Variants in ZNF521 observed in about 807,000 individuals in gnomAD.
ZNF521 encodes LYST-interacting protein 3.
ZNF521 carries 14 observed loss-of-function variants against 105.5 expected under a neutral mutation model. That is an observed-to-expected ratio of 0.13 (90% CI 0.09 to 0.21). ZNF521 has a LOEUF of 0.21. Ranked by LOEUF, ZNF521 falls within the 10% of genes least tolerant of loss-of-function variation. ZNF521 has a pLI of 1.00. For synonymous variants in ZNF521, 635 were observed against 606.0 expected, an observed-to-expected ratio of 1.05 and a Z score of -0.70; for missense variants, 1,233 against 1,629.7, an observed-to-expected ratio of 0.76 and a Z score of 4.19.
chr18:25,273,220 CAAAAAAAAAAAAAAAAAAA>C lies in ZNF521; in HGVS notation c.221-45542_221-45524del, dbSNP rs67381140. Among the ~76,000 whole-genome samples the C allele has an allele frequency of 8.8e-3, 360 of 40,900 alleles. 4 individuals are homozygous for C. Among genetic ancestry groups the C allele is most frequent in the Non-Finnish European group, 0.013 (292 of 23,204 alleles). 26.8% of individuals were successfully genotyped at this position (40,900 alleles called of 152,430 possible). A position where few individuals can be genotyped will look rare whatever the true frequency, so the allele number is the denominator to read the frequency against. ...CCCAAGAGGAGTGAAACCCTGTCTCCAAAAAAAAAAAAAAAAAAAAAAAAAAAAAAAGACATTTTAAATA... is the reference window on the plus strand; with the variant it reads ...CCCAAGAGGAGTGAAACCCTGTCTCCAAAAAAAAAAAAGACATTTTAAATA... On this transcript the variant is annotated intron_variant, in intron 3 of 7. Transcript: ENST00000361524.
chr18:25,327,050 A>G (rs1453814346), intron 2 of ZNF521, among the ~76,000 whole-genome samples: 3 of 152,210 alleles, frequency 2.0e-5, no homozygotes, highest in Admixed American at 6.5e-5. Context: ...TGTGATGACC[A>G]TGACCTCCAG....
intron 5 of ZNF521, among the ~76,000 whole-genome samples, chr18:25,186,580 T>C (rs1655582411): frequency 6.6e-6 from 1 of 152,176 alleles, no homozygotes; most frequent in Non-Finnish European, 1.5e-5. Flanking sequence ...CAAAGTCTGA[T>C]GAAATGAAGG....
intron 4 of ZNF521, among the ~76,000 whole-genome samples, chr18:25,200,272 C>A (rs922022396): frequency 3.9e-5 from 6 of 152,138 alleles, no homozygotes; most frequent in Admixed American, 6.6e-5. Flanking sequence ...AAGGAACTGT[C>A]GGTAGCCACG....
intron 5 of ZNF521, among the ~76,000 whole-genome samples, chr18:25,156,623 T>G (rs531455884): frequency 6.6e-6 from 1 of 152,348 alleles, no homozygotes; most frequent in South Asian, 2.1e-4. Context: ...TTTCTTCATC[T>G]GATGACTGTT....
chr18:25,118,818 TAATTAAAAGA>T (rs2034379044), intron 5 of ZNF521, among the ~76,000 whole-genome samples: 1 of 151,980 alleles, frequency 6.6e-6, no homozygotes. Flanking sequence ...TACTGAACAC[TAATTAAAAGA>T]AAGATTGTCA....
intron 4 of ZNF521, among the ~76,000 whole-genome samples, chr18:25,200,717 T>C (rs192493503): frequency 6.6e-6 from 1 of 152,240 alleles, no homozygotes; most frequent in East Asian, 1.9e-4. Context: ...AAAACACTGA[T>C]TCTCTCTTCA....
chr18:25,319,769 A>G (rs1912838170), intron 3 of ZNF521, among the ~76,000 whole-genome samples: 1 of 152,196 alleles, frequency 6.6e-6, no homozygotes, highest in Non-Finnish European at 1.5e-5. Flanking sequence ...ATCGTTAACA[A>G]CATCAACATG....
At chr18:25,166,586 A>G (rs2035345872) in intron 5 of ZNF521, among the ~76,000 whole-genome samples, 1 of 152,190 alleles carries the variant, frequency 6.6e-6, no homozygotes, top group Non-Finnish European at 1.5e-5. Flanking sequence ...TATATTGTAC[A>G]CTGTCAATCT....
rs201662021 is a variant in ZNF521, at chr18:25,116,984, T to C, written c.3659-24903A>G. ...ATATGTATATATATGTATATATATA[T>C]ACACACACACATATATATACATACA... is the stretch of plus-strand genomic sequence containing the variant. On this transcript the variant is annotated intron_variant, in intron 5 of 7. Transcript: ENST00000361524. Among the ~76,000 whole-genome samples the C allele has an allele frequency of 4.0e-4, 46 of 116,164 alleles. 2 individuals carry two copies. Among genetic ancestry groups the C allele is most frequent in the East Asian group, 9.8e-4 (4 of 4,084 alleles). 76.2% of individuals were successfully genotyped at this position (116,164 alleles called of 152,430 possible).
intron 4 of ZNF521, among the ~76,000 whole-genome samples, chr18:25,220,276 T>A (rs748255937): frequency 5.3e-5 from 8 of 152,210 alleles, no homozygotes; most frequent in African/African-American, 9.6e-5. Context: ...CTAAGTACAA[T>A]GCATTGGTCA....
intron 7 of ZNF521, among the ~76,000 whole-genome samples, chr18:25,069,971 T>G (rs1247658523): frequency 6.6e-6 from 1 of 152,214 alleles, no homozygotes; most frequent in African/African-American, 2.4e-5. Context: ...CACCATGAAC[T>G]TACAGAAACA....
intron 5 of ZNF521, among the ~76,000 whole-genome samples, chr18:25,141,087 A>G (rs1328713086): frequency 6.6e-6 from 1 of 152,206 alleles, no homozygotes; most frequent in Non-Finnish European, 1.5e-5. Context: ...TCGAAAGAAA[A>G]GAAAACTGAA....
At chr18:25,176,788 G>A (rs1033011079) in intron 5 of ZNF521, among the ~76,000 whole-genome samples, 1 of 152,226 alleles carries the variant, frequency 6.6e-6, no homozygotes, top group African/African-American at 2.4e-5. Flanking sequence ...TTTCCTTACA[G>A]AATAAATGAC....
chr18:25,136,996 A>G (rs372345794), intron 5 of ZNF521, among the ~76,000 whole-genome samples: 1 of 152,140 alleles, frequency 6.6e-6, no homozygotes, highest in African/African-American at 2.4e-5. Flanking sequence ...CTGACCTCCC[A>G]AAAGGATCCT....
rs910966903 is a variant in ZNF521 at position 25,225,546 on chromosome 18, G to A, written c.2372C>T (p.Ser791Phe). Residue 791 changes from serine to phenylalanine, a missense_variant, in exon 4 of 8, where the codon TCC becomes TTC. Ser to Phe is a radical substitution (Grantham distance 155). Transcript: ENST00000361524. This position sits in a 1 kb window ranked among gnomAD's most constrained non-coding sequence, Gnocchi z 5.6. ...KVHKCIFCGE[S>F]FGTEVELQCH... The stretch of plus-strand genomic sequence containing the variant: ...TTGCAGCTCCACCTCGGTGCCAAAG[G>A]ACTCACCGCAGAAAATGCACTTATG... The A allele has an allele frequency of 1.9e-6, 3 of 1,614,184 alleles. No homozygotes were observed. The highest frequency in any genetic ancestry group is 2.5e-6 in the Non-Finnish European group (3 of 1,180,026).
At chr18:25,122,641 G>GA (rs2034464684) in intron 5 of ZNF521, among the ~76,000 whole-genome samples, 1 of 152,140 alleles carries the variant, frequency 6.6e-6, no homozygotes, top group Admixed American at 6.5e-5. Context: ...TTATGGACCT[G>GA]AATGTTGATC....
intron 3 of ZNF521, among the ~76,000 whole-genome samples, chr18:25,249,464 T>A (rs981896331): frequency 2.6e-5 from 4 of 151,076 alleles, no homozygotes; most frequent in Non-Finnish European, 4.4e-5. Flanking sequence ...GCCTTTACTT[T>A]CTTTCTTTTT....
chr18:25,245,377 A>G (rs1474649413), intron 3 of ZNF521, among the ~76,000 whole-genome samples: 3 of 152,154 alleles, frequency 2.0e-5, no homozygotes, highest in Admixed American at 6.5e-5. Flanking sequence ...GACATCCCCC[A>G]CCAGAATGGT....
chr18:25,346,181 T>C (rs1914454670), intron 2 of ZNF521, among the ~76,000 whole-genome samples: 2 of 152,118 alleles, frequency 1.3e-5, no homozygotes, highest in Non-Finnish European at 2.9e-5. Flanking sequence ...GGGGGCTTTT[T>C]TTTTCTAATT....
Sources: allele counts gnomAD v4.1 joint callset (sites outside exome capture counted in the v4.1 genomes callset), GRCh38; gene constraint gnomAD v4.1.1; non-coding constraint Gnocchi (gnomAD v3.1); transcripts MANE v1.5; gene names NCBI Gene and HGNC (gene_info 2026-07-23, HGNC 2026-07-21).